The following C1orf141 variants were observed in gnomAD, a reference collection of about 807,000 sequenced individuals.
C1orf141 encodes uncharacterized protein C1orf141.
C1orf141 carries 19 observed loss-of-function variants against 23.2 expected under a neutral mutation model. The observed-to-expected ratio is 0.82, with a 90% CI of 0.57 to 1.20. C1orf141 has a LOEUF of 1.20. C1orf141 is among the 50% of genes most tolerant of loss of function. The probability of loss-of-function intolerance (pLI) is 0.00; values close to 1 mark genes in which losing one functional copy is unlikely to be tolerated. For missense variants in C1orf141, 469 were observed against 455.1 expected (o/e 1.03, Z -0.28); for synonymous variants, 153 against 154.6 (o/e 0.99, Z 0.08).
At chr1:67,096,062 C>T in intron 6 of C1orf141, 190 bp downstream of exon 6, 2 of 378,494 alleles carry the variant, frequency 5.3e-6, no homozygotes, top group Non-Finnish European at 9.8e-6. Context: ...CCATGCCTTT[C>T]TCTCCATTTA....
At chr1:67,117,319 A>G (rs953082910) in intron 4 of C1orf141, among the ~76,000 whole-genome samples, 2 of 152,150 alleles carry the variant, frequency 1.3e-5, no homozygotes, top group African/African-American at 2.4e-5. Context: ...GCTACTCGGG[A>G]GGCTGAGGCA....
chr1:67,093,299 C>T lies in C1orf141; in HGVS notation c.909G>A (p.Lys303=), dbSNP rs1330656668. ...VDDKLKKKTN[K]QTLENRSWNT... ...TCCAAGATCTGTTTTCTAGTGTCTG[C>T]TTATTAGTTTTCTTCTTTAGTTTAT... is the stretch of plus-strand genomic sequence containing the variant. Residue 303 remains lysine (K), a synonymous_variant, in exon 8 of 8, where the codon AAG becomes AAA. Coordinates refer to ENST00000684719, the MANE Select transcript of C1orf141 (RefSeq NM_001276351.2). 2 of 1,613,634 alleles carry T rather than the reference C, an allele frequency of 1.2e-6. No homozygotes were observed. The highest frequency in any genetic ancestry group is 1.7e-6 in the Non-Finnish European group (2 of 1,179,666).
upstream of C1orf141, among the ~76,000 whole-genome samples, chr1:67,136,020 A>C (rs116500250): frequency 0.014 from 2,093 of 151,882 alleles, 47 homozygotes; most frequent in African/African-American, 0.048. Flanking sequence ...AAATATTTAA[A>C]AAACAAAAAT....
Position 67,125,919 on chromosome 1 carries a change from T to C in C1orf141, c.76-10A>G. On this transcript the variant is annotated splice_polypyrimidine_tract_variant and intron_variant, in intron 3 of 7. Transcript: ENST00000684719. ...TCTGAAGCCTGTTTATCTGCAGCAATGCCAAAGTGAAAAAAAAAAAAAAAA... is the reference window on the plus strand; with the variant it reads ...TCTGAAGCCTGTTTATCTGCAGCAACGCCAAAGTGAAAAAAAAAAAAAAAA... The C allele has an allele frequency of 2.3e-6, 3 of 1,284,476 alleles. No homozygotes were observed. Among genetic ancestry groups the C allele is most frequent in the Non-Finnish European group, 3.1e-6 (3 of 973,602 alleles). 79.6% of individuals were successfully genotyped at this position (1,284,476 alleles called of 1,614,324 possible).
chr1:67,102,795 A>G (rs1306483442), intron 5 of C1orf141: 4 of 152,246 alleles, frequency 2.6e-5, no homozygotes, highest in African/African-American at 7.2e-5. Flanking sequence ...TGAATATCTG[A>G]TGACATTATA....
chr1:67,116,726 G>C (rs1558198202), intron 4 of C1orf141, among the ~76,000 whole-genome samples: 1 of 151,972 alleles, frequency 6.6e-6, no homozygotes, highest in Non-Finnish European at 1.5e-5. Context: ...TTTTCTACCT[G>C]TTTGGTTCAG....
chr1:67,097,508 TAGG>T (rs1177475453), intron 5 of C1orf141, among the ~76,000 whole-genome samples: 3 of 151,972 alleles, frequency 2.0e-5, no homozygotes, highest in African/African-American at 7.2e-5. Context: ...TGTGGTGAAT[TAGG>T]AGGAGAGTGG....
At chr1:67,114,865 G>A (rs1214326568) in intron 5 of C1orf141, among the ~76,000 whole-genome samples, 3 of 152,114 alleles carry the variant, frequency 2.0e-5, no homozygotes, top group Non-Finnish European at 2.9e-5. Context: ...TAATAGAGAC[G>A]GGGTTTCGCC....
chr1:67,106,211 C>T (rs984379079), intron 5 of C1orf141, among the ~76,000 whole-genome samples: 1 of 152,116 alleles, frequency 6.6e-6, no homozygotes, highest in South Asian at 2.1e-4. Flanking sequence ...ATACAATAGT[C>T]ACAATGCCCA....
At chr1:67,111,486 T>C in intron 5 of C1orf141, 1 of 482,904 alleles carries the variant, frequency 2.1e-6, no homozygotes, top group Non-Finnish European at 3.6e-6. Flanking sequence ...AAAATTCACT[T>C]GAATTTTGGA....
intron 5 of C1orf141, among the ~76,000 whole-genome samples, chr1:67,102,314 G>A (rs1256173562): frequency 2.2e-5 from 3 of 139,374 alleles, no homozygotes; most frequent in African/African-American, 8.1e-5. Context: ...CTCCGTGTGT[G>A]TGTGTGTGTG....
At chr1:67,117,794 C>A (rs1035396081) in intron 4 of C1orf141, among the ~76,000 whole-genome samples, 4 of 152,100 alleles carry the variant, frequency 2.6e-5, no homozygotes, top group African/African-American at 9.7e-5. Context: ...AATTCATTTG[C>A]AGAGTATATA....
At chr1:67,108,323 C>A (rs929105533) in intron 5 of C1orf141, among the ~76,000 whole-genome samples, 1 of 152,128 alleles carries the variant, frequency 6.6e-6, no homozygotes, top group African/African-American at 2.4e-5. Context: ...GGAGAAGGGG[C>A]AAACAGCTCT....
chr1:67,103,197 TA>T, intron 5 of C1orf141: 1 of 1,185,870 alleles, frequency 8.4e-7, no homozygotes, highest in Non-Finnish European at 1.1e-6. Context: ...TAGGTGCAGA[TA>T]ACTTTCAGTT....
intron 1 of C1orf141, among the ~76,000 whole-genome samples, chr1:67,139,992 AC>A (rs1447062304): frequency 6.6e-6 from 1 of 152,016 alleles, no homozygotes; most frequent in East Asian, 1.9e-4. Context: ...AGCAAGCATA[AC>A]CCCCTCACCA....
chr1:67,138,853 A>G (rs1646607573), upstream of C1orf141: 2 of 152,340 alleles, frequency 1.3e-5, no homozygotes, highest in Admixed American at 1.3e-4. Flanking sequence ...TGTTAGGCCA[A>G]TGAGATCACA....
chr1:67,095,207 A>G, intron 7 of C1orf141, 28 bp downstream of exon 7: 2 of 1,293,834 alleles, frequency 1.5e-6, no homozygotes, highest in South Asian at 2.7e-5. Context: ...ACACATATTT[A>G]CTTAACAATA....
At chr1:67,101,010 A>ATT (rs35866342) in intron 5 of C1orf141, among the ~76,000 whole-genome samples, 13 of 151,568 alleles carry the variant, frequency 8.6e-5, no homozygotes, top group Middle Eastern at 6.8e-3. Context: ...CTTGGGTTTC[A>ATT]TTTTTTTATC....
intron 6 of C1orf141, 125 bp from the exon 7 acceptor site, chr1:67,095,546 T>G: frequency 1.8e-6 from 1 of 542,554 alleles, no homozygotes; most frequent in Non-Finnish European, 3.0e-6. Flanking sequence ...CCCACAGACT[T>G]TTCAAACCGA....
Sources: gnomAD v4.1 joint callset for allele counts (sites outside exome capture counted in the v4.1 genomes callset) on GRCh38, gnomAD v4.1.1 for gene constraint, MANE v1.5 for transcripts, NCBI Gene and HGNC (gene_info 2026-07-23, HGNC 2026-07-21) for gene names.